UNC13A: variants seen among roughly 807,000 people sequenced by gnomAD.
The protein encoded by UNC13A is unc-13 homolog A, also known as protein unc-13 homolog A.
A neutral mutation model predicts 219.7 loss-of-function variants in UNC13A; 61 were observed. That is an observed-to-expected ratio of 0.28 (90% CI 0.23 to 0.34). The LOEUF is 0.34. Among genes scored for constraint, UNC13A ranks in the 10% least tolerant of loss-of-function variants. The pLI is 1.00. For missense variants in UNC13A, 1,476 were observed against 2,270.3 expected (o/e 0.65, Z 7.11); for synonymous variants, 920 against 884.6 (o/e 1.04, Z -0.71).
chr19:17,639,526 CT>C lies in UNC13A; in HGVS notation c.2857-2del. The C allele has an allele frequency of 6.2e-7, 1 of 1,612,438 alleles. No individual in the cohort carries two copies. Among genetic ancestry groups the C allele is most frequent in the Non-Finnish European group, 8.5e-7 (1 of 1,179,586 alleles). On this transcript the variant is annotated splice_acceptor_variant, in intron 23 of 43. Coordinates refer to ENST00000519716, the MANE Select transcript of UNC13A (RefSeq NM_001080421.3). LOFTEE classifies it high-confidence loss of function. Reference sequence around the variant, plus strand: ...CCGGGCTGCTGGCTGGGAAGTTATTCTGTTGGGAGCAGGAAGAGATGTGGGG... The same window carrying C: ...CCGGGCTGCTGGCTGGGAAGTTATTCGTTGGGAGCAGGAAGAGATGTGGGG...
Position 17,674,644 on chromosome 19 carries a change from G to C in UNC13A, c.152+13C>G. ...GCCAGGGAGTGAGGTCATGCCAGACGCTGCAGACTCACAACATGAAATCCT... is the reference window on the plus strand; with the variant it reads ...GCCAGGGAGTGAGGTCATGCCAGACCCTGCAGACTCACAACATGAAATCCT... On this transcript the variant is annotated intron_variant, in intron 3 of 43. Transcript: ENST00000519716. This position sits in a 1 kb window ranked among gnomAD's most constrained non-coding sequence, Gnocchi z 5.0. 6.2e-7 allele frequency: 1 copy of C among 1,612,346 alleles called. No homozygotes were observed. Among genetic ancestry groups the C allele is most frequent in the Non-Finnish European group, 8.5e-7 (1 of 1,178,804 alleles).
At position 17,655,744 on chromosome 19, in the gene UNC13A, C is replaced by G. The variant is rs989010974; in HGVS notation, c.1283+139G>C. ...ACCTCCCTACTCTGCCCTGTCACCTCTGATCCCTTTAAGAAACCCAAGAGC... is the reference window on the plus strand; with the variant it reads ...ACCTCCCTACTCTGCCCTGTCACCTGTGATCCCTTTAAGAAACCCAAGAGC... On this transcript the variant is annotated intron_variant, in intron 10 of 43. Coordinates refer to ENST00000519716, the MANE Select transcript of UNC13A (RefSeq NM_001080421.3). The G allele has an allele frequency of 2.1e-6, 3 of 1,420,596 alleles. No homozygotes were observed. The East Asian group carries it at 7.7e-5, about 36-fold the overall frequency. 88.0% of individuals were successfully genotyped at this position (1,420,596 alleles called of 1,614,324 possible).
intron 40 of UNC13A, 72 bp downstream of exon 40, chr19:17,618,349 C>G: frequency 6.8e-7 from 1 of 1,480,496 alleles, no homozygotes; most frequent in East Asian, 2.5e-5. Context: ...CGAGGCGAGC[C>G]TAAGTCCATG....
At chr19:17,675,207 G>A (rs923504618) in intron 2 of UNC13A, among the ~76,000 whole-genome samples, 4 of 151,972 alleles carry the variant, frequency 2.6e-5, no homozygotes, top group Admixed American at 6.6e-5. Context: ...AGTGGTGCAC[G>A]CCTGTGGTCC....
At chr19:17,611,274 C>T (rs1473915590) in intron 42 of UNC13A, among the ~76,000 whole-genome samples, 2 of 152,154 alleles carry the variant, frequency 1.3e-5, no homozygotes, top group South Asian at 2.1e-4. Context: ...AACTCCACCT[C>T]CCGGGTTCAA....
chr19:17,672,899 C>T (rs186818437), intron 3 of UNC13A, among the ~76,000 whole-genome samples: 2 of 152,232 alleles, frequency 1.3e-5, no homozygotes, highest in Non-Finnish European at 2.9e-5. Flanking sequence ...TCTGTCCTTC[C>T]CAGTGTCATC....
chr19:17,622,211 G>A (rs1281378562), intron 36 of UNC13A, among the ~76,000 whole-genome samples: 4 of 152,136 alleles, frequency 2.6e-5, no homozygotes, highest in Non-Finnish European at 4.4e-5. Context: ...TTGGTTCTTG[G>A]GTTAACAGGA....
intron 7 of UNC13A, 80 bp downstream of exon 7, chr19:17,666,570 C>G (rs932963032): frequency 7.6e-5 from 86 of 1,130,312 alleles, no homozygotes; most frequent in Non-Finnish European, 8.9e-5. Flanking sequence ...ACTGGAGGAG[C>G]CTTTAGACAG....
Position 17,645,727 on chromosome 19 carries a change from G to T in UNC13A, c.2303C>A (p.Thr768Lys). ...KRESDDFLGQ[T>K]IIEVRTLSGE... The stretch of plus-strand genomic sequence containing the variant: ...GCTGAGCGTCCGCACCTCAATGATC[G>T]TCTGCCCCAGGAAATCGTCAGATTC... Residue 768 changes from threonine to lysine, a missense_variant, in exon 19 of 44, where the codon ACG (threonine) becomes AAG (lysine). Physicochemically the swap from Thr to Lys is moderately conservative, Grantham distance 78. Coordinates refer to ENST00000519716, the MANE Select transcript of UNC13A (RefSeq NM_001080421.3). 6.2e-7 allele frequency: 1 copy of T among 1,614,152 alleles called. No individual in the cohort carries two copies. The highest frequency in any genetic ancestry group is 8.5e-7 in the Non-Finnish European group (1 of 1,180,044).
chr19:17,606,218 C>A lies in UNC13A; in HGVS notation c.4948G>T (p.Ala1650Ser). The change falls in exon 44 of 44, where the codon GCC (alanine) becomes TCC (serine). Residue 1650 changes from alanine (A) to serine (S), a missense_variant. Around this residue, in one of 14 missense-constraint regions of UNC13A, gnomAD observed 187 missense variants for 172.3 expected, o/e 1.09. Transcript: ENST00000519716. The part of the protein sequence containing the change: ...LRELAQRGSA[A>S]CWLPLGRRIH... ...CGGCGGCCGAGCGGCAGCCAGCAGG[C>A]GGCGCTCCCGCGCTGGGCCAGCTCA... 1.3e-6 allele frequency: 2 copies of A among 1,553,546 alleles called. No homozygotes were observed. The highest frequency in any genetic ancestry group is 1.7e-4 in the Middle Eastern group (1 of 5,822).
At chr19:17,621,478 T>TA (rs1490340949) in intron 37 of UNC13A, among the ~76,000 whole-genome samples, 2 of 151,988 alleles carry the variant, frequency 1.3e-5, no homozygotes, top group African/African-American at 2.4e-5. Context: ...GAAATCTACG[T>TA]AAAAAACAAC....
chr19:17,634,431 C>T (rs965192036), intron 26 of UNC13A, among the ~76,000 whole-genome samples: 5 of 151,580 alleles, frequency 3.3e-5, no homozygotes, highest in East Asian at 2.0e-4. Flanking sequence ...CTCCACCACC[C>T]GGGCTCAAAT....
rs770575876 is a variant in UNC13A, at chr19:17,674,735, G to C, written c.74C>G (p.Thr25Ser). ...GAQEKFNTYV[T>S]LKVQNVKSTT... is the part of the protein sequence containing the mutation. ...GCTCTTGACATTCTGCACTTTCAGG[G>C]TCACGTACGTGTTGAATTTCTCTGT... The change falls in exon 3 of 44, where the codon ACC (threonine) becomes AGC (serine). Residue 25 changes from threonine to serine, a missense_variant. Physicochemically the swap from Thr to Ser is moderately conservative, Grantham distance 58. This residue lies in a region of UNC13A where 203 missense variants were observed against 301.6 expected (regional missense o/e 0.67). Transcript: ENST00000519716. The surrounding 1 kb of genome is among the most constrained non-coding windows in gnomAD (Gnocchi z 5.0). 4.3e-6 allele frequency: 7 copies of C among 1,613,934 alleles called. No individual in the cohort carries two copies. The Middle Eastern group carries it at 4.9e-4, about 114-fold the overall frequency.
chr19:17,671,844 C>T (rs961860762), intron 4 of UNC13A, among the ~76,000 whole-genome samples: 3 of 152,124 alleles, frequency 2.0e-5, no homozygotes, highest in African/African-American at 7.2e-5. Context: ...GCTGAGGGGC[C>T]AGGGTTGTTA....
chr19:17,657,279 G>A (rs556784033), intron 9 of UNC13A, among the ~76,000 whole-genome samples: 10 of 152,162 alleles, frequency 6.6e-5, no homozygotes, highest in East Asian at 1.9e-4. Context: ...TGGCCACCTC[G>A]TTGTCTCTCC....
chr19:17,672,784 C>G (rs4808091), intron 3 of UNC13A, among the ~76,000 whole-genome samples: 2 of 152,020 alleles, frequency 1.3e-5, no homozygotes, highest in Non-Finnish European at 2.9e-5. Context: ...CTTTCTGAGC[C>G]CTTCCTTGGG....
chr19:17,666,217 T>A (rs1423578383), intron 7 of UNC13A, among the ~76,000 whole-genome samples: 11 of 25,846 alleles, frequency 4.3e-4, no homozygotes, highest in African/African-American at 2.1e-3. Flanking sequence ...CTTTCTTTCC[T>A]TCCTTCTTTT....
rs371111136 is a variant in UNC13A at position 17,654,598 on chromosome 19, C to T, written c.1392+676G>A. ...AGGGTGAGCTGAATGAAGGAATAAA[C>T]GAATGGCCTCAACCCTGCTGCCCAT... On this transcript the variant is annotated intron_variant, in intron 11 of 43. Transcript: ENST00000519716. 5.3e-5 allele frequency among the ~76,000 whole-genome samples: 8 copies of T among 152,278 alleles called. No homozygotes were observed. The South Asian group carries it at 8.3e-4, about 16-fold the overall frequency.
Position 17,649,625 on chromosome 19 carries a change from C to G in UNC13A, c.1440-38G>C, listed in dbSNP as rs1354450326. ...GAGGGACACTGAGGGCCCAGATGTC[C>G]CTATTCCTCACATAGAGCCCTGGGG... On this transcript the variant is annotated intron_variant, in intron 12 of 43. Transcript: ENST00000519716. This position sits in a 1 kb window ranked among gnomAD's most constrained non-coding sequence, Gnocchi z 4.4. The G allele has an allele frequency of 6.2e-7, 1 of 1,610,598 alleles. No homozygotes were observed.
Sources: gnomAD v4.1 joint callset for allele counts (sites outside exome capture counted in the v4.1 genomes callset) on GRCh38, gnomAD v4.1.1 for gene constraint, gnomAD v4.1.1 regional missense constraint, Gnocchi (gnomAD v3.1) non-coding constraint, MANE v1.5 for transcripts, NCBI Gene and HGNC (gene_info 2026-07-23, HGNC 2026-07-21) for gene names.